SRD5A1: variants seen among roughly 807,000 people sequenced by gnomAD.
The protein encoded by SRD5A1 is steroid 5 alpha-reductase 1, also known as 3-oxo-5-alpha-steroid 4-dehydrogenase 1.
In SRD5A1, 22 loss-of-function variants were observed where a neutral mutation model predicts 28.2. That is an observed-to-expected ratio of 0.78 (90% CI 0.56 to 1.12). The LOEUF is 1.12. Among genes scored for constraint, SRD5A1 ranks in the 50% most tolerant of loss-of-function variants. The probability of loss-of-function intolerance (pLI) is 0.00; values close to 1 mark genes in which losing one functional copy is unlikely to be tolerated. For synonymous variants in SRD5A1, 151 were observed against 135.0 expected (o/e 1.12, Z -0.82); for missense variants, 300 against 346.7 (o/e 0.87, Z 1.07).
chr5:6,656,398 A>G (rs1738837540), intron 3 of SRD5A1, among the ~76,000 whole-genome samples: 1 of 152,152 alleles, frequency 6.6e-6, no homozygotes, highest in African/African-American at 2.4e-5. Flanking sequence ...CAAAGCAGAA[A>G]CTCCAGTTAT....
intron 1 of SRD5A1, chr5:6,644,662 G>A: frequency 2.8e-6 from 1 of 357,306 alleles, no homozygotes; most frequent in South Asian, 2.1e-5. Flanking sequence ...CTAACACAAG[G>A]CCTCCTGTTC....
intron 3 of SRD5A1, 110 bp from the exon 4 acceptor site, chr5:6,662,706 A>T: frequency 8.2e-7 from 1 of 1,213,322 alleles, no homozygotes; most frequent in Non-Finnish European, 1.2e-6. Context: ...TAAGGATAAT[A>T]TTTTTCCGTT....
intron 1 of SRD5A1, among the ~76,000 whole-genome samples, chr5:6,646,179 C>A (rs1388434887): frequency 6.6e-6 from 1 of 152,140 alleles, no homozygotes; most frequent in Non-Finnish European, 1.5e-5. Flanking sequence ...TGAACTCATC[C>A]TTTTTTATGG....
chr5:6,636,096 G>A (rs1444400978), intron 1 of SRD5A1, among the ~76,000 whole-genome samples: 1 of 149,108 alleles, frequency 6.7e-6, no homozygotes, highest in Non-Finnish European at 1.5e-5. Flanking sequence ...TTTTTGAGTT[G>A]TACATGTTAT....
intron 4 of SRD5A1, among the ~76,000 whole-genome samples, chr5:6,664,810 C>T (rs924454985): frequency 5.9e-5 from 9 of 152,240 alleles, no homozygotes; most frequent in African/African-American, 1.9e-4. Context: ...GGTATTTTCA[C>T]GCATAGACAG....
intron 4 of SRD5A1, 126 bp from the exon 5 acceptor site, chr5:6,668,076 A>T: frequency 3.6e-6 from 2 of 555,400 alleles, no homozygotes; most frequent in Middle Eastern, 4.0e-4. Flanking sequence ...TGAAATGCCA[A>T]AGTTTTTGTT....
chr5:6,646,148 T>C (rs959606019), intron 1 of SRD5A1, among the ~76,000 whole-genome samples: 2 of 152,224 alleles, frequency 1.3e-5, no homozygotes, highest in African/African-American at 4.8e-5. Context: ...TCTAGCATCA[T>C]CCATGTCCCT....
chr5:6,643,250 C>T (rs1336882541), intron 1 of SRD5A1, among the ~76,000 whole-genome samples: 3 of 152,148 alleles, frequency 2.0e-5, no homozygotes, highest in African/African-American at 2.4e-5. Flanking sequence ...TCAGTAACAT[C>T]CATAGACTCA....
intron 1 of SRD5A1, chr5:6,645,361 T>A: frequency 5.1e-6 from 1 of 197,108 alleles, no homozygotes; most frequent in African/African-American, 2.4e-5. Flanking sequence ...TAATTTGGGC[T>A]GGTCGCGGTG....
chr5:6,670,386 C>T lies in SRD5A1; in HGVS notation c.*2118C>T, dbSNP rs1336760346. 1 of 152,272 alleles carries T rather than the reference C, an allele frequency of 6.6e-6. No individual in the cohort carries two copies. The highest frequency in any genetic ancestry group is 1.9e-4 in the East Asian group (1 of 5,198). 9.4% of individuals were successfully genotyped at this position (152,272 alleles called of 1,614,324 possible). ...ACCCAACACTGACAGAACTTGGAAC[C>T]CAAAAGCCCATTTCTCTCCTTCCGT... On this transcript the variant is annotated 3_prime_UTR_variant, in exon 5 of 5. Coordinates refer to ENST00000274192, the MANE Select transcript of SRD5A1 (RefSeq NM_001047.4).
At chr5:6,666,377 T>C (rs1739179002) in intron 4 of SRD5A1, among the ~76,000 whole-genome samples, 1 of 152,204 alleles carries the variant, frequency 6.6e-6, no homozygotes, top group South Asian at 2.1e-4. Context: ...CTTGATCTCC[T>C]GACCTCGTGA....
At chr5:6,656,435 G>A (rs1738838279) in intron 3 of SRD5A1, among the ~76,000 whole-genome samples, 1 of 152,190 alleles carries the variant, frequency 6.6e-6, no homozygotes, top group African/African-American at 2.4e-5. Context: ...AGAGGATGAG[G>A]AAGAATTTAT....
chr5:6,664,237 A>G (rs938472615), intron 4 of SRD5A1, among the ~76,000 whole-genome samples: 7 of 152,214 alleles, frequency 4.6e-5, no homozygotes, highest in African/African-American at 1.4e-4. Context: ...GGAGTTTATC[A>G]TCTTTTTTGG....
intron 2 of SRD5A1, among the ~76,000 whole-genome samples, chr5:6,654,819 A>C (rs1738787859): frequency 6.6e-6 from 1 of 152,214 alleles, no homozygotes; most frequent in Non-Finnish European, 1.5e-5. Context: ...CAATAAAGGG[A>C]GCTTGTCTCC....
rs747101445 is a variant in SRD5A1, at chr5:6,668,315, G to A, written c.*47G>A. The A allele has an allele frequency of 6.3e-6, 7 of 1,109,818 alleles. No individual in the cohort carries two copies. The highest frequency in any genetic ancestry group is 2.5e-4 in the Middle Eastern group (1 of 4,024). The allele number at this position is 1,109,818 out of a possible 1,614,324, so 68.7% of individuals were successfully genotyped here. On this transcript the variant is annotated 3_prime_UTR_variant, in exon 5 of 5. Transcript: ENST00000274192. ...CTTCAACTTGAAGCTTTCCAATGGC[G>A]CTTCTCTATGGACTTTGTAAATAAG...
intron 1 of SRD5A1, among the ~76,000 whole-genome samples, chr5:6,642,237 A>G (rs2126529006): frequency 6.6e-6 from 1 of 152,018 alleles, no homozygotes; most frequent in East Asian, 1.9e-4. Flanking sequence ...CTGTCATGAG[A>G]TTTTACGTAT....
At chr5:6,666,362 A>G (rs773100506) in intron 4 of SRD5A1, among the ~76,000 whole-genome samples, 52 of 152,056 alleles carry the variant, frequency 3.4e-4, no homozygotes, top group Non-Finnish European at 6.5e-4. Flanking sequence ...GTCAGCCAGG[A>G]TGGTCTTGAT....
intron 1 of SRD5A1, among the ~76,000 whole-genome samples, chr5:6,636,712 G>A (rs1364687401): frequency 1.3e-5 from 2 of 152,182 alleles, no homozygotes; most frequent in African/African-American, 4.8e-5. Flanking sequence ...AGGGATAGAG[G>A]GAATGGTGCG....
chr5:6,639,874 A>G (rs1400308333), intron 1 of SRD5A1, among the ~76,000 whole-genome samples: 1 of 152,268 alleles, frequency 6.6e-6, no homozygotes, highest in Non-Finnish European at 1.5e-5. Context: ...ATTTCATCTT[A>G]GAGATAAAAC....
Sources: gnomAD v4.1 joint callset for allele counts (sites outside exome capture counted in the v4.1 genomes callset) on GRCh38, gnomAD v4.1.1 for gene constraint, MANE v1.5 for transcripts, NCBI Gene and HGNC (gene_info 2026-07-23, HGNC 2026-07-21) for gene names.